Variants in OR11H2 observed in about 807,000 individuals in gnomAD.
OR11H2 encodes the protein olfactory receptor 11H2.
For missense variants in OR11H2, 82 were observed against 370.0 expected (o/e 0.22, Z 6.39); for synonymous variants, 35 against 135.6 (o/e 0.26, Z 5.15).
At position 19,713,319 on chromosome 14, in the gene OR11H2, A is replaced by T. The variant is rs761313269; in HGVS notation, c.565T>A (p.Phe189Ile). The change falls in exon 1 of 1, where the codon TTT becomes ATT. Residue 189 changes from phenylalanine (F) to isoleucine (I), a missense_variant. Coordinates refer to ENST00000556246, the MANE Select transcript of OR11H2 (RefSeq NM_001197287.2). ...DHVVCDPGPL[F>I]ALDCVSAPRI... ...GGGGCAGAAACACAATCCAATGCAAATAGTGGCCCTGGGTCACACACAACA... is the reference window on the plus strand; with the variant it reads ...GGGGCAGAAACACAATCCAATGCAATTAGTGGCCCTGGGTCACACACAACA... The T allele has an allele frequency of 5.6e-6, 9 of 1,611,460 alleles. No individual in the cohort carries two copies. The South Asian group carries it at 7.7e-5, about 14-fold the overall frequency.
rs1227204927 is a variant in OR11H2, at chr14:19,713,345, T to A, written c.539A>T (p.His180Leu). The A allele has an allele frequency of 1.9e-6, 3 of 1,611,244 alleles. No homozygotes were observed. The highest frequency in any genetic ancestry group is 1.3e-5 in the African/African-American group (1 of 74,426). The change falls in exon 1 of 1, where the codon CAT becomes CTT. Residue 180 changes from histidine to leucine, a missense_variant. Transcript: ENST00000556246. ...KPFCGPNIID[H>L]VVCDPGPLFA... ...TAGTGGCCCTGGGTCACACACAACA[T>A]GGTCAATAATGTTTGGGCCACAGAA...
Position 19,713,599 on chromosome 14 carries a change from G to GT in OR11H2, c.284dup (p.Asn95LysfsTer31), listed in dbSNP as rs759069772. 143 of 1,432,654 alleles carry GT rather than the reference G, an allele frequency of 1.0e-4. No homozygotes were observed. The highest frequency in any genetic ancestry group is 4.8e-4 in the Middle Eastern group (2 of 4,176). The allele number at this position is 1,432,654 out of a possible 1,614,324, so 88.7% of individuals were successfully genotyped here. On this transcript the variant is annotated frameshift_variant, in exon 1 of 1. Coordinates refer to ENST00000556246, the MANE Select transcript of OR11H2 (RefSeq NM_001197287.2). LOFTEE classifies it high-confidence loss of function. ...GGAGAAAACATCCAGCAAAGGAGAT[G>GT]TTTTTTTTCTCTGAAAGGAAGTTGA...
chr14:19,713,130 C>T lies in OR11H2; in HGVS notation c.754G>A (p.Val252Ile). 1.3e-6 allele frequency: 2 copies of T among 1,502,442 alleles called. 1 individual carries two copies. The allele number at this position is 1,502,442 out of a possible 1,614,324, so 93.1% of individuals were successfully genotyped here. A position where few individuals can be genotyped will look rare whatever the true frequency, so the allele number is the denominator to read the frequency against. Residue 252 changes from valine to isoleucine, a missense_variant, in exon 1 of 1, where the codon GTA (valine) becomes ATA (isoleucine). Coordinates refer to ENST00000556246, the MANE Select transcript of OR11H2 (RefSeq NM_001197287.2). ...ATAAGAGGGCTATAGCACAGTGATA[C>T]CACAGCCAAATGAGACCCACAGGTA... ...FSTCGSHLAV[V>I]SLCYSPLMVM...
In OR11H2 at chr14:19,713,105, A is replaced by C. The variant is rs1433576357; in HGVS notation, c.779T>G (p.Met260Arg). 2 of 1,469,312 alleles carry C rather than the reference A, an allele frequency of 1.4e-6. No homozygotes were observed. Among genetic ancestry groups the C allele is most frequent in the Non-Finnish European group, 1.9e-6 (2 of 1,072,254 alleles). 91.0% of individuals were successfully genotyped at this position (1,469,312 alleles called of 1,614,324 possible). A position where few individuals can be genotyped will look rare whatever the true frequency, so the allele number is the denominator to read the frequency against. The change falls in exon 1 of 1, where the codon ATG becomes AGG. Residue 260 changes from methionine (M) to arginine (R), a missense_variant. By Grantham distance (91) the Met-to-Arg change is moderately conservative. Coordinates refer to ENST00000556246, the MANE Select transcript of OR11H2 (RefSeq NM_001197287.2). ...AVVSLCYSPL[M>R]VMYVSPGLGH... ...GAGTCCTGGGCTCACATACATGACCATAAGAGGGCTATAGCACAGTGATAC... is the reference window on the plus strand; with the variant it reads ...GAGTCCTGGGCTCACATACATGACCCTAAGAGGGCTATAGCACAGTGATAC...
Position 19,713,288 on chromosome 14 carries a change from AT to A in OR11H2, c.595del (p.Ile199SerfsTer8), listed in dbSNP as rs747185187. 56 of 1,611,364 alleles carry A rather than the reference AT, an allele frequency of 3.5e-5. No homozygotes were observed. The highest frequency in any genetic ancestry group is 4.7e-5 in the Non-Finnish European group (56 of 1,179,732). On this transcript the variant is annotated frameshift_variant, in exon 1 of 1. Coordinates refer to ENST00000556246, the MANE Select transcript of OR11H2 (RefSeq NM_001197287.2). LOFTEE classifies it high-confidence loss of function. Reference sequence around the variant, plus strand: ...GCTTAGAGTGTAGCAAAACAGTTGGATTCTTGGGGCAGAAACACAATCCAAT... The same window carrying A: ...GCTTAGAGTGTAGCAAAACAGTTGGATCTTGGGGCAGAAACACAATCCAAT... ...FALDCVSAPR[I>X]QLFCYTLSSL...
In OR11H2 at chr14:19,713,426, C is replaced by G. The variant is rs1876453329; in HGVS notation, c.458G>C (p.Trp153Ser). 1 of 1,608,682 alleles carries G rather than the reference C, an allele frequency of 6.2e-7. No individual in the cohort carries two copies. The highest frequency in any genetic ancestry group is 1.4e-5 in the African/African-American group (1 of 73,832). The change falls in exon 1 of 1, where the codon TGG becomes TCG. Residue 153 changes from tryptophan (W) to serine (S), a missense_variant. Trp to Ser is a radical substitution (Grantham distance 177). Transcript: ENST00000556246. The stretch of plus-strand genomic sequence containing the variant: ...CAGGAACCACAGAAATCCACAAACC[C>G]AGCACAGTATGACCAGTTTGGCATA... ...HLYAKLVILC[W>S]VCGFLWFLIP...
rs769111642 is a variant in OR11H2 at position 19,713,320 on chromosome 14, T to G, written c.564A>C (p.Leu188=). Reference sequence around the variant, plus strand: ...GGGCAGAAACACAATCCAATGCAAATAGTGGCCCTGGGTCACACACAACAT... The same window carrying G: ...GGGCAGAAACACAATCCAATGCAAAGAGTGGCCCTGGGTCACACACAACAT... The part of the protein sequence containing the change: ...IDHVVCDPGP[L]FALDCVSAPR... Residue 188 remains leucine (L), a synonymous_variant, in exon 1 of 1, where the codon CTA becomes CTC. Transcript: ENST00000556246. 1.2e-6 allele frequency: 2 copies of G among 1,611,338 alleles called. No individual in the cohort carries two copies. The highest frequency in any genetic ancestry group is 8.5e-7 in the Non-Finnish European group (1 of 1,179,738).
Position 19,713,317 on chromosome 14 carries a change from A to C in OR11H2, c.567T>G (p.Phe189Leu). 1 of 1,611,560 alleles carries C rather than the reference A, an allele frequency of 6.2e-7. No individual in the cohort carries two copies. Among genetic ancestry groups the C allele is most frequent in the East Asian group, 2.2e-5 (1 of 44,870 alleles). The change falls in exon 1 of 1, where the codon TTT becomes TTG. Residue 189 changes from phenylalanine to leucine, a missense_variant. Transcript: ENST00000556246. ...DHVVCDPGPL[F>L]ALDCVSAPRI... is the part of the protein sequence containing the mutation. ...TTGGGGCAGAAACACAATCCAATGC[A>C]AATAGTGGCCCTGGGTCACACACAA...
In OR11H2 at chr14:19,713,330, G is replaced by A. The variant is rs1315905854; in HGVS notation, c.554C>T (p.Pro185Leu). The A allele has an allele frequency of 6.2e-7, 1 of 1,611,440 alleles. No individual in the cohort carries two copies. The highest frequency in any genetic ancestry group is 1.3e-5 in the African/African-American group (1 of 74,546). ...ACAATCCAATGCAAATAGTGGCCCTGGGTCACACACAACATGGTCAATAAT... is the reference window on the plus strand; with the variant it reads ...ACAATCCAATGCAAATAGTGGCCCTAGGTCACACACAACATGGTCAATAAT... ...PNIIDHVVCD[P>L]GPLFALDCVS... Residue 185 changes from proline (P) to leucine (L), a missense_variant, in exon 1 of 1, where the codon CCA (proline) becomes CTA (leucine). Coordinates refer to ENST00000556246, the MANE Select transcript of OR11H2 (RefSeq NM_001197287.2).
Position 19,713,450 on chromosome 14 carries a change from T to A in OR11H2, c.434A>T (p.Tyr145Phe). The change falls in exon 1 of 1, where the codon TAT (tyrosine) becomes TTT (phenylalanine). Residue 145 changes from tyrosine to phenylalanine, a missense_variant. By Grantham distance (22) the Tyr-to-Phe change is conservative. Transcript: ENST00000556246. The stretch of plus-strand genomic sequence containing the variant: ...CCAGCACAGTATGACCAGTTTGGCA[T>A]AGAGATGCCCAGTCATGATATTAGG... ...LYPNIMTGHL[Y>F]AKLVILCWVC... The A allele has an allele frequency of 1.4e-6, 2 of 1,410,666 alleles. No homozygotes were observed. Among genetic ancestry groups the A allele is most frequent in the South Asian group, 2.3e-5 (2 of 85,232 alleles). 87.4% of individuals were successfully genotyped at this position (1,410,666 alleles called of 1,614,324 possible). A position where few individuals can be genotyped will look rare whatever the true frequency, so the allele number is the denominator to read the frequency against.
In OR11H2 at chr14:19,713,287, G is replaced by A. The variant is rs1251670632; in HGVS notation, c.597C>T (p.Ile199=). The A allele has an allele frequency of 2.5e-6, 4 of 1,611,432 alleles. No individual in the cohort carries two copies. Among genetic ancestry groups the A allele is most frequent in the Non-Finnish European group, 3.4e-6 (4 of 1,179,700 alleles). ...AGCTTAGAGTGTAGCAAAACAGTTG[G>A]ATTCTTGGGGCAGAAACACAATCCA... ...FALDCVSAPR[I]QLFCYTLSSL... is the part of the protein sequence containing the mutation. Residue 199 remains isoleucine, a synonymous_variant, in exon 1 of 1, where the codon ATC becomes ATT. Coordinates refer to ENST00000556246, the MANE Select transcript of OR11H2 (RefSeq NM_001197287.2).
In OR11H2 at chr14:19,713,300, G is replaced by A; in HGVS notation, c.584C>T (p.Ser195Phe). The change falls in exon 1 of 1, where the codon TCT becomes TTT. Residue 195 changes from serine (S) to phenylalanine (F), a missense_variant. By Grantham distance (155) the Ser-to-Phe change is radical. Coordinates refer to ENST00000556246, the MANE Select transcript of OR11H2 (RefSeq NM_001197287.2). ...GCAAAACAGTTGGATTCTTGGGGCA[G>A]AAACACAATCCAATGCAAATAGTGG... is the stretch of plus-strand genomic sequence containing the variant. ...PGPLFALDCV[S>F]APRIQLFCYT... The A allele has an allele frequency of 6.2e-7, 1 of 1,611,494 alleles. No individual in the cohort carries two copies.
rs1368567242 is a variant in OR11H2, at chr14:19,713,299, A to G, written c.585T>C (p.Ser195=). The G allele has an allele frequency of 6.2e-7, 1 of 1,611,568 alleles. No homozygotes were observed. Among genetic ancestry groups the G allele is most frequent in the Admixed American group, 1.7e-5 (1 of 59,944 alleles). ...PGPLFALDCV[S]APRIQLFCYT... ...AGCAAAACAGTTGGATTCTTGGGGC[A>G]GAAACACAATCCAATGCAAATAGTG... The change falls in exon 1 of 1, where the codon TCT becomes TCC. Residue 195 remains serine, a synonymous_variant. Transcript: ENST00000556246.
Position 19,713,015 on chromosome 14 carries a change from T to C in OR11H2, c.869A>G (p.Asn290Ser), listed in dbSNP as rs199518800. 14,472 of 1,521,178 alleles carry C rather than the reference T, an allele frequency of 9.5e-3. 81 individuals are homozygous for C. The highest frequency in any genetic ancestry group is 0.029 in the Middle Eastern group (124 of 4,234). 94.2% of individuals were successfully genotyped at this position (1,521,178 alleles called of 1,614,324 possible). A position where few individuals can be genotyped will look rare whatever the true frequency, so the allele number is the denominator to read the frequency against. ...ATTCTGGAGGCTATAGATAAGGGGA[T>C]TGAAGAGTGGGGTCACCATAGCATA... ...LFYAMVTPLF[N>S]PLIYSLQNKE... The change falls in exon 1 of 1, where the codon AAT becomes AGT. Residue 290 changes from asparagine (N) to serine (S), a missense_variant. Asn to Ser is a conservative substitution (Grantham distance 46). Transcript: ENST00000556246.
Position 19,713,843 on chromosome 14 carries a change from T to C in OR11H2, c.41A>G (p.Asn14Ser). The change falls in exon 1 of 1, where the codon AAT becomes AGT. Residue 14 changes from asparagine to serine, a missense_variant. Asn to Ser is a conservative substitution (Grantham distance 46). Transcript: ENST00000556246. ...AGAGAAACCTTGGAGTATAAATTCATTTACAAAAGCAAAGCTGGAATTTGG... is the reference window on the plus strand; with the variant it reads ...AGAGAAACCTTGGAGTATAAATTCACTTACAAAAGCAAAGCTGGAATTTGG... ...SEPNSSFAFV[N>S]EFILQGFSCE... 2 of 1,427,776 alleles carry C rather than the reference T, an allele frequency of 1.4e-6. No homozygotes were observed. Among genetic ancestry groups the C allele is most frequent in the East Asian group, 2.5e-5 (1 of 40,550 alleles). 88.4% of individuals were successfully genotyped at this position (1,427,776 alleles called of 1,614,324 possible).
rs544670557 is a variant in OR11H2, at chr14:19,713,443, T to C, written c.441A>G (p.Lys147=). 6.3e-7 allele frequency: 1 copy of C among 1,580,148 alleles called. No homozygotes were observed. Among genetic ancestry groups the C allele is most frequent in the Non-Finnish European group, 8.7e-7 (1 of 1,153,320 alleles). ...PNIMTGHLYA[K]LVILCWVCGF... is the part of the protein sequence containing the mutation. ...CACAAACCCAGCACAGTATGACCAG[T>C]TTGGCATAGAGATGCCCAGTCATGA... The change falls in exon 1 of 1, where the codon AAA becomes AAG. Residue 147 remains lysine, a synonymous_variant. Transcript: ENST00000556246.
At position 19,713,099 on chromosome 14, in the gene OR11H2, A is replaced by C. The variant is rs1275514271; in HGVS notation, c.785T>G (p.Met262Arg). 6.8e-7 allele frequency: 1 copy of C among 1,471,112 alleles called. No individual in the cohort carries two copies. Among genetic ancestry groups the C allele is most frequent in the Non-Finnish European group, 9.3e-7 (1 of 1,073,214 alleles). The allele number at this position is 1,471,112 out of a possible 1,614,324, so 91.1% of individuals were successfully genotyped here. The change falls in exon 1 of 1, where the codon ATG becomes AGG. Residue 262 changes from methionine (M) to arginine (R), a missense_variant. Coordinates refer to ENST00000556246, the MANE Select transcript of OR11H2 (RefSeq NM_001197287.2). The stretch of plus-strand genomic sequence containing the variant: ...ATGTCCGAGTCCTGGGCTCACATAC[A>C]TGACCATAAGAGGGCTATAGCACAG... ...VSLCYSPLMV[M>R]YVSPGLGHST...
rs1389119380 is a variant in OR11H2 at position 19,713,158 on chromosome 14, G to A, written c.726C>T (p.Phe242=). The change falls in exon 1 of 1, where the codon TTC becomes TTT. Residue 242 remains phenylalanine (F), a synonymous_variant. Transcript: ENST00000556246. ...MPSSTGRHKA[F]STCGSHLAVV... is the part of the protein sequence containing the mutation. ...CAGCCAAATGAGACCCACAGGTAGA[G>A]AAGGCCTTATGTCTCCCAGTGCTTG... 3 of 1,594,050 alleles carry A rather than the reference G, an allele frequency of 1.9e-6. No individual in the cohort carries two copies. The highest frequency in any genetic ancestry group is 2.2e-5 in the South Asian group (2 of 90,254).
At position 19,713,747 on chromosome 14, in the gene OR11H2, T is replaced by C. The variant is rs564089287; in HGVS notation, c.137A>G (p.Asn46Ser). 1.7e-4 allele frequency: 184 copies of C among 1,074,784 alleles called. 16 individuals carry two copies. The African/African-American group carries it at 2.6e-3, about 15-fold the overall frequency. The allele number at this position is 1,074,784 out of a possible 1,614,324, so 66.6% of individuals were successfully genotyped here. A position where few individuals can be genotyped will look rare whatever the true frequency, so the allele number is the denominator to read the frequency against. The part of the protein sequence containing the change: ...TTIYALTITG[N>S]GAIAFVLWCD... The stretch of plus-strand genomic sequence containing the variant: ...CCACAGGACAAAAGCAATGGCTCCA[T>C]TCCCTGTTATAGTCAGTGCATATAT... Residue 46 changes from asparagine (N) to serine (S), a missense_variant, in exon 1 of 1, where the codon AAT becomes AGT. Transcript: ENST00000556246.
Sources: allele counts gnomAD v4.1 joint callset, GRCh38; gene constraint gnomAD v4.1.1; transcripts MANE v1.5; gene names NCBI Gene and HGNC (gene_info 2026-07-23, HGNC 2026-07-21).